ACSBG2: variants seen among roughly 807,000 people sequenced by gnomAD.
The protein encoded by ACSBG2 is acyl-CoA synthetase bubblegum family member 2.
A neutral mutation model predicts 74.7 loss-of-function variants in ACSBG2; 62 were observed. The ratio of observed to expected loss-of-function variants is 0.83; its 90% CI spans 0.68 to 1.03. ACSBG2 has a LOEUF of 1.03. Among genes scored for constraint, ACSBG2 ranks in the 50% least tolerant of loss-of-function variants. The probability of loss-of-function intolerance (pLI) is 0.00; values close to 1 mark genes in which losing one functional copy is unlikely to be tolerated. For missense variants in ACSBG2, 730 were observed against 817.6 expected (o/e 0.89, Z 1.31); for synonymous variants, 309 against 294.1 (o/e 1.05, Z -0.52).
At position 6,187,621 on chromosome 19, in the gene ACSBG2, G is replaced by A. The variant is rs1374801645; in HGVS notation, c.1703G>A (p.Gly568Glu). ...TLKCEMNQMS[G>E]EPLDKLNFEA... is the part of the protein sequence containing the mutation. Reference sequence around the variant, plus strand: ...CAGTGTGAGATGAATCAGATGAGCGGAGAACCTCTGGACAAGCTGAACTTC... The same window carrying A: ...CAGTGTGAGATGAATCAGATGAGCGAAGAACCTCTGGACAAGCTGAACTTC... The change falls in exon 13 of 15, where the codon GGA becomes GAA. Residue 568 changes from glycine to glutamate, a missense_variant. Physicochemically the swap from Gly to Glu is moderately conservative, Grantham distance 98. Transcript: ENST00000588485. The A allele has an allele frequency of 6.2e-7, 1 of 1,614,098 alleles. No homozygotes were observed. Among genetic ancestry groups the A allele is most frequent in the African/African-American group, 1.3e-5 (1 of 75,004 alleles).
chr19:6,136,600 C>G (rs372766290), intron 1 of ACSBG2, among the ~76,000 whole-genome samples: 2 of 150,780 alleles, frequency 1.3e-5, no homozygotes, highest in Non-Finnish European at 3.0e-5. Context: ...TGGCCTCAAG[C>G]GATCCACCCG....
chr19:6,161,843 G>A (rs2089633053), intron 6 of ACSBG2, among the ~76,000 whole-genome samples: 1 of 151,776 alleles, frequency 6.6e-6, no homozygotes, highest in South Asian at 2.1e-4. Flanking sequence ...ATTACTGCTG[G>A]GCAACAAATC....
intron 3 of ACSBG2, among the ~76,000 whole-genome samples, chr19:6,147,984 C>T (rs1213653501): frequency 6.6e-6 from 1 of 152,096 alleles, no homozygotes; most frequent in Non-Finnish European, 1.5e-5. Context: ...TGCATTTGTC[C>T]CTAACATACT....
intron 7 of ACSBG2, among the ~76,000 whole-genome samples, chr19:6,170,800 C>T (rs904162640): frequency 1.7e-4 from 26 of 152,050 alleles, no homozygotes; most frequent in Admixed American, 5.2e-4. Flanking sequence ...TCTTTATTTT[C>T]TGCCTCAATG....
chr19:6,151,439 C>G (rs761438228), intron 3 of ACSBG2, among the ~76,000 whole-genome samples: 9 of 152,092 alleles, frequency 5.9e-5, no homozygotes, highest in Non-Finnish European at 1.0e-4. Context: ...ACCCAAGTAG[C>G]CGGGACGACA....
At chr19:6,145,964 C>T (rs2089016047) in intron 2 of ACSBG2, among the ~76,000 whole-genome samples, 2 of 152,066 alleles carry the variant, frequency 1.3e-5, no homozygotes, top group Non-Finnish European at 2.9e-5. Context: ...AATTATGCAC[C>T]GGGTCTTAAA....
At chr19:6,149,228 C>T (rs2145041304) in intron 3 of ACSBG2, among the ~76,000 whole-genome samples, 1 of 152,308 alleles carries the variant, frequency 6.6e-6, no homozygotes, top group African/African-American at 2.4e-5. Context: ...AAAACACACT[C>T]TGTCCACAAT....
intron 6 of ACSBG2, among the ~76,000 whole-genome samples, chr19:6,162,535 C>G (rs905712023): frequency 1.5e-5 from 2 of 136,616 alleles, no homozygotes; most frequent in Non-Finnish European, 3.0e-5. Context: ...CCACTGCACT[C>G]CAGCCTGGGC....
At chr19:6,162,052 T>C (rs1440157816) in intron 6 of ACSBG2, among the ~76,000 whole-genome samples, 3 of 151,944 alleles carry the variant, frequency 2.0e-5, no homozygotes, top group Non-Finnish European at 1.5e-5. Flanking sequence ...ATTGCAGACT[T>C]CTCAGGAGAT....
chr19:6,162,197 C>T (rs2089643850), intron 6 of ACSBG2, among the ~76,000 whole-genome samples: 1 of 132,056 alleles, frequency 7.6e-6, no homozygotes, highest in Non-Finnish European at 1.6e-5. Context: ...ACCCGGGAGG[C>T]GGAGGTTCCA....
At chr19:6,176,206 A>G (rs771671907) in intron 7 of ACSBG2, 78 of 987,386 alleles carry the variant, frequency 7.9e-5, no homozygotes, top group Admixed American at 7.0e-5. Flanking sequence ...TCGAATGATT[A>G]ACAACCATCT....
Position 6,185,458 on chromosome 19 carries a change from TG to T in ACSBG2, c.1346del (p.Cys449LeufsTer97). 6.2e-7 allele frequency: 1 copy of T among 1,614,006 alleles called. No individual in the cohort carries two copies. Among genetic ancestry groups the T allele is most frequent in the South Asian group, 1.1e-5 (1 of 91,078 alleles). On this transcript the variant is annotated frameshift_variant, in exon 11 of 15. Transcript: ENST00000588485. LOFTEE classifies it high-confidence loss of function. ...CAGCTGTGGCAAGATCTTGACTGGG[TG>T]TAAGAATATGCTGTTCCAGCAGAAC... ...LLSCGKILTG[C>X]KNMLFQQNKD...
At chr19:6,158,808 G>T (rs1046188418) in intron 5 of ACSBG2, among the ~76,000 whole-genome samples, 3 of 152,042 alleles carry the variant, frequency 2.0e-5, no homozygotes, top group Non-Finnish European at 4.4e-5. Context: ...TGAAATCCTA[G>T]CTAGACTCAG....
intron 5 of ACSBG2, among the ~76,000 whole-genome samples, chr19:6,158,439 C>T (rs575806152): frequency 1.0e-4 from 14 of 138,188 alleles, no homozygotes; most frequent in African/African-American, 3.0e-4. Flanking sequence ...TGCTGTCTTA[C>T]GTTTTTTTTT....
chr19:6,173,645 C>T (rs2090020553), intron 7 of ACSBG2, among the ~76,000 whole-genome samples: 1 of 152,160 alleles, frequency 6.6e-6, no homozygotes, highest in South Asian at 2.1e-4. Context: ...TCCAAGAGGT[C>T]CTGCCTCTCC....
upstream of ACSBG2, chr19:6,135,650 GA>G (rs1198708315): frequency 6.6e-6 from 1 of 152,358 alleles, no homozygotes; most frequent in Non-Finnish European, 1.5e-5. Flanking sequence ...GGCTGGGATG[GA>G]ACGTTCTGGA....
chr19:6,143,385 AAAAAACAAAAAC>A (rs200499341), intron 2 of ACSBG2, among the ~76,000 whole-genome samples: 67 of 151,024 alleles, frequency 4.4e-4, no homozygotes, highest in African/African-American at 5.8e-4. Flanking sequence ...CTCTGTCTCA[AAAAAACAAAAAC>A]AAAAACAAAA....
Position 6,157,242 on chromosome 19 carries a change from C to T in ACSBG2, c.507+691C>T, listed in dbSNP as rs1012238688. On this transcript the variant is annotated intron_variant, in intron 5 of 14. Coordinates refer to ENST00000588485, the MANE Select transcript of ACSBG2 (RefSeq NM_030924.5). The stretch of plus-strand genomic sequence containing the variant: ...GGATTACAGGCGTGAGCCACCGCCC[C>T]GAGCCCGGGCTAACTTTTAAAACAT... Among the ~76,000 whole-genome samples, 5 of 152,080 alleles carry T rather than the reference C, an allele frequency of 3.3e-5. No individual in the cohort carries two copies. The East Asian group carries it at 5.8e-4, about 18-fold the overall frequency.
rs187845614 is a variant in ACSBG2 at position 6,184,342 on chromosome 19, T to G, written c.1322+1070T>G. Among the ~76,000 whole-genome samples, 116 of 152,288 alleles carry G rather than the reference T, an allele frequency of 7.6e-4. 1 individual carries two copies. The highest frequency in any genetic ancestry group is 2.7e-3 in the African/African-American group (112 of 41,574). ...GTGCAGAAATTTGTGGTCACAAATTTAGATGGTTGAACTTATCGATCTCTT... is the reference window on the plus strand; with the variant it reads ...GTGCAGAAATTTGTGGTCACAAATTGAGATGGTTGAACTTATCGATCTCTT... On this transcript the variant is annotated intron_variant, in intron 10 of 14. Coordinates refer to ENST00000588485, the MANE Select transcript of ACSBG2 (RefSeq NM_030924.5).
Sources: allele counts gnomAD v4.1 joint callset (sites outside exome capture counted in the v4.1 genomes callset), GRCh38; gene constraint gnomAD v4.1.1; transcripts MANE v1.5; gene names NCBI Gene and HGNC (gene_info 2026-07-23, HGNC 2026-07-21).